The following MTUS1 variants were observed in gnomAD, a reference collection of about 807,000 sequenced individuals.
MTUS1 encodes the protein microtubule associated scaffold protein 1.
A neutral mutation model predicts 120.8 loss-of-function variants in MTUS1; 109 were observed. That is an observed-to-expected ratio of 0.90 (90% CI 0.77 to 1.06). MTUS1 has a LOEUF of 1.06. MTUS1 is among the 50% of genes least tolerant of loss of function. The probability of loss-of-function intolerance (pLI) is 0.00; values close to 1 mark genes in which losing one functional copy is unlikely to be tolerated. For synonymous variants in MTUS1, 737 were observed against 550.5 expected (o/e 1.34, Z -4.74); for missense variants, 2,210 against 1,486.3 (o/e 1.49, Z -8.01).
At chr8:17,769,617 G>T (rs2134279) in intron 1 of MTUS1, among the ~76,000 whole-genome samples, 6 of 151,604 alleles carry the variant, frequency 4.0e-5, no homozygotes, top group African/African-American at 1.5e-4. Flanking sequence ...AAAGTGCTGG[G>T]ATTACAGGCG....
intron 14 of MTUS1, 75 bp downstream of exon 14, chr8:17,646,907 G>A (rs919996408): frequency 4.0e-6 from 4 of 1,006,650 alleles, no homozygotes; most frequent in South Asian, 2.6e-5. Flanking sequence ...TGCAGGGGTA[G>A]AGCGTGTCCA....
Position 17,754,366 on chromosome 8 carries a change from T to A in MTUS1, c.1442A>T (p.Lys481Ile). The A allele has an allele frequency of 6.2e-7, 1 of 1,614,170 alleles. No homozygotes were observed. The highest frequency in any genetic ancestry group is 8.5e-7 in the Non-Finnish European group (1 of 1,180,030). Residue 481 changes from lysine to isoleucine, a missense_variant, in exon 2 of 15, where the codon AAA becomes ATA. Physicochemically the swap from Lys to Ile is moderately radical, Grantham distance 102. Transcript: ENST00000693296. The stretch of plus-strand genomic sequence containing the variant: ...TGGGGTATTCGTTTTGATTGTTGAT[T>A]TTCCTAAACTGGGTTTACACAGGTT... ...PVNLCKPSLG[K>I]STIKTNTPIG... is the part of the protein sequence containing the mutation.
At chr8:17,716,758 G>A (rs1038340053) in intron 4 of MTUS1, among the ~76,000 whole-genome samples, 1 of 152,136 alleles carries the variant, frequency 6.6e-6, no homozygotes, top group Non-Finnish European at 1.5e-5. Flanking sequence ...GTTTCACTGT[G>A]TTAGGCAGGA....
In MTUS1 at chr8:17,728,355, G is replaced by A. The variant is rs147282239; in HGVS notation, c.2288-4522C>T. 5.8e-3 allele frequency among the ~76,000 whole-genome samples: 884 copies of A among 152,238 alleles called. 8 individuals are homozygous for A. Among genetic ancestry groups the A allele is most frequent in the African/African-American group, 0.019 (790 of 41,546 alleles). ...CCTGACCTTAAGTGAGCCACTTGCC[G>A]TGGCCTCCCAAAGTGCTGGGATTAC... On this transcript the variant is annotated intron_variant, in intron 3 of 14. Transcript: ENST00000693296.
chr8:17,757,790 G>C (rs546570803), intron 1 of MTUS1, among the ~76,000 whole-genome samples: 2 of 152,220 alleles, frequency 1.3e-5, no homozygotes, highest in African/African-American at 4.8e-5. Flanking sequence ...GCCTCCCAAA[G>C]CACTGGGATT....
chr8:17,798,550 T>C (rs1197194574), intron 1 of MTUS1, among the ~76,000 whole-genome samples: 1 of 152,174 alleles, frequency 6.6e-6, no homozygotes, highest in Non-Finnish European at 1.5e-5. Context: ...CCCAGGCTGG[T>C]CTCGAACCCC....
rs1805664054 is a variant in MTUS1 at position 17,645,868 on chromosome 8, C to G, written c.*58G>C. The G allele has an allele frequency of 3.2e-6, 5 of 1,555,858 alleles. No homozygotes were observed. Among genetic ancestry groups the G allele is most frequent in the Non-Finnish European group, 4.3e-6 (5 of 1,150,320 alleles). On this transcript the variant is annotated 3_prime_UTR_variant, in exon 15 of 15. Coordinates refer to ENST00000693296, the MANE Select transcript of MTUS1 (RefSeq NM_001363059.2). ...TTGTGCCCACGTTCCTCCTTGGGGT[C>G]AGTCCTGCAGACCTGCATCAAAATG...
intron 3 of MTUS1, among the ~76,000 whole-genome samples, chr8:17,732,345 T>C (rs921071768): frequency 6.6e-6 from 1 of 152,232 alleles, no homozygotes; most frequent in Non-Finnish European, 1.5e-5. Context: ...TGCGCCATTC[T>C]CCTGCCAACA....
At chr8:17,768,964 G>C (rs536549218) in intron 1 of MTUS1, among the ~76,000 whole-genome samples, 100 of 151,972 alleles carry the variant, frequency 6.6e-4, no homozygotes, top group Non-Finnish European at 1.1e-3. Flanking sequence ...AATTTAAATG[G>C]GCATTGGAGT....
rs1807403703 is a variant in MTUS1, at chr8:17,653,174, C to T, written c.3384+12G>A. On this transcript the variant is annotated intron_variant, in intron 12 of 14. Coordinates refer to ENST00000693296, the MANE Select transcript of MTUS1 (RefSeq NM_001363059.2). ...AAAATTCCATACTGATAAAGGAGCA[C>T]ACACAACTTACCAAATTTGCTTTTT... is the stretch of plus-strand genomic sequence containing the variant. 5 of 1,482,668 alleles carry T rather than the reference C, an allele frequency of 3.4e-6. No homozygotes were observed. The African/African-American group carries it at 7.1e-5, about 21-fold the overall frequency. The allele number at this position is 1,482,668 out of a possible 1,614,324, so 91.8% of individuals were successfully genotyped here. A position where few individuals can be genotyped will look rare whatever the true frequency, so the allele number is the denominator to read the frequency against.
intron 6 of MTUS1, among the ~76,000 whole-genome samples, chr8:17,696,931 T>C (rs1818090481): frequency 6.6e-6 from 1 of 152,228 alleles, no homozygotes; most frequent in African/African-American, 2.4e-5. Flanking sequence ...TGTGTCCTAT[T>C]TCCCAAACAC....
At chr8:17,759,928 A>T (rs1225629431) in intron 1 of MTUS1, among the ~76,000 whole-genome samples, 2 of 151,708 alleles carry the variant, frequency 1.3e-5, no homozygotes, top group Non-Finnish European at 2.9e-5. Flanking sequence ...ACAAAAAGAG[A>T]TTGGGTGTGG....
chr8:17,707,476 G>A (rs73202203), intron 6 of MTUS1, among the ~76,000 whole-genome samples: 1 of 151,942 alleles, frequency 6.6e-6, no homozygotes, highest in Non-Finnish European at 1.5e-5. Context: ...GGAAAATACA[G>A]AGGCCTACCA....
intron 6 of MTUS1, among the ~76,000 whole-genome samples, chr8:17,708,156 A>G (rs1315629583): frequency 6.6e-6 from 1 of 152,250 alleles, no homozygotes; most frequent in African/African-American, 2.4e-5. Flanking sequence ...GGACATTATC[A>G]AGAAAGTGAA....
chr8:17,769,975 G>C lies in MTUS1; in HGVS notation c.-154-14014C>G, dbSNP rs1386842832. On this transcript the variant is annotated intron_variant, in intron 1 of 14. Transcript: ENST00000693296. ...CTACAGTCAGAATCACAATGCAAAA[G>C]TGAGAAATAAGCAAGGTTCTAGACA... is the stretch of plus-strand genomic sequence containing the variant. Among the ~76,000 whole-genome samples, 3 of 151,538 alleles carry C rather than the reference G, an allele frequency of 2.0e-5. No individual in the cohort carries two copies. The South Asian group carries it at 6.2e-4, about 31-fold the overall frequency.
At chr8:17,669,737 C>T (rs535113747) in intron 8 of MTUS1, among the ~76,000 whole-genome samples, 6 of 152,042 alleles carry the variant, frequency 3.9e-5, no homozygotes, top group South Asian at 4.2e-4. Context: ...CCCAGCTACT[C>T]GGGACGCTGA....
Position 17,723,791 on chromosome 8 carries a change from T to C in MTUS1, c.2330A>G (p.Asn777Ser). The C allele has an allele frequency of 6.2e-7, 1 of 1,608,990 alleles. No individual in the cohort carries two copies. Among genetic ancestry groups the C allele is most frequent in the South Asian group, 1.1e-5 (1 of 90,738 alleles). ...SLKTAQSSWVNLPRPLPKSKA... is the reference protein window; with the variant it reads ...SLKTAQSSWVSLPRPLPKSKA... Reference sequence around the variant, plus strand: ...GGATTTAGGAAGTGGTCTAGGCAAATTCACCCATGACGACTGTGCAGTTTT... The same window carrying C: ...GGATTTAGGAAGTGGTCTAGGCAAACTCACCCATGACGACTGTGCAGTTTT... The change falls in exon 4 of 15, where the codon AAT becomes AGT. Residue 777 changes from asparagine (N) to serine (S), a missense_variant. Physicochemically the swap from Asn to Ser is conservative, Grantham distance 46. Transcript: ENST00000693296.
chr8:17,648,553 G>C (rs950841338), intron 13 of MTUS1, among the ~76,000 whole-genome samples: 1 of 152,168 alleles, frequency 6.6e-6, no homozygotes, highest in Non-Finnish European at 1.5e-5. Context: ...GCAGGAACTG[G>C]TATGTATACT....
chr8:17,698,610 T>C (rs1056615662), intron 6 of MTUS1, among the ~76,000 whole-genome samples: 1 of 152,150 alleles, frequency 6.6e-6, no homozygotes, highest in African/African-American at 2.4e-5. Flanking sequence ...AATAACACTA[T>C]TAAGTGCTAT....
Sources: gnomAD v4.1 joint callset for allele counts (sites outside exome capture counted in the v4.1 genomes callset) on GRCh38, gnomAD v4.1.1 for gene constraint, MANE v1.5 for transcripts, NCBI Gene and HGNC (gene_info 2026-07-23, HGNC 2026-07-21) for gene names.